BACE1: variants seen among roughly 807,000 people sequenced by gnomAD.
BACE1 encodes APP beta-secretase.
A neutral mutation model predicts 54.0 loss-of-function variants in BACE1; 21 were observed. The ratio of observed to expected loss-of-function variants is 0.39; its 90% CI spans 0.28 to 0.56. The LOEUF (loss-of-function observed/expected upper bound fraction) is 0.56, where lower values mean the gene tolerates loss of function less well. Ranked by LOEUF, BACE1 falls within the 20% of genes least tolerant of loss-of-function variation. The pLI is 0.63. For synonymous variants in BACE1, 232 were observed against 260.9 expected (o/e 0.89, Z 1.07); for missense variants, 511 against 661.2 (o/e 0.77, Z 2.49).
intron 1 of BACE1, among the ~76,000 whole-genome samples, chr11:117,309,993 C>CTGT (rs1220262330): frequency 2.0e-5 from 3 of 152,156 alleles, no homozygotes; most frequent in Non-Finnish European, 1.5e-5. Context: ...ACTGCAACCT[C>CTGT]CACCTCACGG....
At position 117,293,515 on chromosome 11, in the gene BACE1, A is replaced by G. The variant is rs1310422594; in HGVS notation, c.706-327T>C. The G allele has an allele frequency of 3.6e-6, 1 of 278,870 alleles. No homozygotes were observed. Among genetic ancestry groups the G allele is most frequent in the African/African-American group, 2.2e-5 (1 of 45,412 alleles). The allele number at this position is 278,870 out of a possible 1,614,324, so 17.3% of individuals were successfully genotyped here. A position where few individuals can be genotyped will look rare whatever the true frequency, so the allele number is the denominator to read the frequency against. On this transcript the variant is annotated intron_variant, in intron 4 of 8. Transcript: ENST00000313005. This position sits in a 1 kb window ranked among gnomAD's most constrained non-coding sequence, Gnocchi z 4.1. Reference sequence around the variant, plus strand: ...ATTATAAGTTTTATTTTCTCTGCTTATTGGAGAACCATTCACCATTGTTCT... The same window carrying G: ...ATTATAAGTTTTATTTTCTCTGCTTGTTGGAGAACCATTCACCATTGTTCT...
intron 1 of BACE1, among the ~76,000 whole-genome samples, chr11:117,307,601 T>C (rs2034858209): frequency 6.6e-6 from 1 of 152,214 alleles, no homozygotes. Flanking sequence ...TGTGAGCCAC[T>C]GTGCCTGGCC....
In BACE1 at chr11:117,288,175, T is replaced by G. The variant is rs947180697; in HGVS notation, c.*1391A>C. Reference sequence around the variant, plus strand: ...GACCTTCATCAAGGAGCTCTTGTGGTGGAGGACATAAGGAAGCCCTGAGGC... The same window carrying G: ...GACCTTCATCAAGGAGCTCTTGTGGGGGAGGACATAAGGAAGCCCTGAGGC... On this transcript the variant is annotated 3_prime_UTR_variant, in exon 9 of 9. Coordinates refer to ENST00000313005, the MANE Select transcript of BACE1 (RefSeq NM_012104.6). 2.6e-5 allele frequency: 4 copies of G among 152,362 alleles called. No individual in the cohort carries two copies. Among genetic ancestry groups the G allele is most frequent in the African/African-American group, 9.7e-5 (4 of 41,442 alleles). The allele number at this position is 152,362 out of a possible 1,614,324, so 9.4% of individuals were successfully genotyped here.
rs917143990 is a variant in BACE1, at chr11:117,286,404, G to C, written c.*3162C>G. On this transcript the variant is annotated 3_prime_UTR_variant, in exon 9 of 9. Transcript: ENST00000313005. ...CTATCCTTTTATCTTTACTCCTACAGGGAATGGCCTCAGCTCCCTTCTCTT... is the reference window on the plus strand; with the variant it reads ...CTATCCTTTTATCTTTACTCCTACACGGAATGGCCTCAGCTCCCTTCTCTT... 6.6e-6 allele frequency: 1 copy of C among 152,120 alleles called. No homozygotes were observed. The highest frequency in any genetic ancestry group is 1.5e-5 in the Non-Finnish European group (1 of 68,002). 9.4% of individuals were successfully genotyped at this position (152,120 alleles called of 1,614,324 possible).
intron 5 of BACE1, chr11:117,292,016 G>T: frequency 2.5e-6 from 1 of 404,870 alleles, no homozygotes; most frequent in Non-Finnish European, 4.6e-6. Flanking sequence ...TACCTCAAAG[G>T]GTTATTGTAA....
intron 1 of BACE1, among the ~76,000 whole-genome samples, chr11:117,304,315 G>T (rs1003704812): frequency 1.3e-5 from 2 of 152,236 alleles, no homozygotes; most frequent in Admixed American, 6.5e-5. Context: ...CCCAGCTGAC[G>T]TACCAGCTGA....
Position 117,315,426 on chromosome 11 carries a change from C to A in BACE1, c.261+109G>T. 1 of 1,423,462 alleles carries A rather than the reference C, an allele frequency of 7.0e-7. No individual in the cohort carries two copies. The highest frequency in any genetic ancestry group is 9.3e-7 in the Non-Finnish European group (1 of 1,074,138). The allele number at this position is 1,423,462 out of a possible 1,614,324, so 88.2% of individuals were successfully genotyped here. Reference sequence around the variant, plus strand: ...GGGAATGGCTGGGGAGGGGTCCCTCCTGCTGTCCCCACCAGCCCATTTGAG... The same window carrying A: ...GGGAATGGCTGGGGAGGGGTCCCTCATGCTGTCCCCACCAGCCCATTTGAG... On this transcript the variant is annotated intron_variant, in intron 1 of 8. Transcript: ENST00000313005. The surrounding 1 kb of genome is among the most constrained non-coding windows in gnomAD (Gnocchi z 5.5).
At chr11:117,306,813 G>GAA (rs1163269662) in intron 1 of BACE1, among the ~76,000 whole-genome samples, 1 of 150,242 alleles carries the variant, frequency 6.7e-6, no homozygotes, top group African/African-American at 2.4e-5. Context: ...CCTGTCTCAA[G>GAA]AAAAAAAAAG....
At chr11:117,298,577 AG>A (rs1488206784) in intron 1 of BACE1, among the ~76,000 whole-genome samples, 1 of 152,254 alleles carries the variant, frequency 6.6e-6, no homozygotes, top group Non-Finnish European at 1.5e-5. Flanking sequence ...TGTGGGGACC[AG>A]GATGGCACAT....
Position 117,288,941 on chromosome 11 carries a change from C to T in BACE1, c.*625G>A, listed in dbSNP as rs1328673675. On this transcript the variant is annotated 3_prime_UTR_variant, in exon 9 of 9. Transcript: ENST00000313005. Reference sequence around the variant, plus strand: ...GTTTCTGCCTTTCCTAGCTTTGATCCCACTATTCCCTGTCTTTGTACTCCC... The same window carrying T: ...GTTTCTGCCTTTCCTAGCTTTGATCTCACTATTCCCTGTCTTTGTACTCCC... 6.5e-6 allele frequency: 1 copy of T among 152,832 alleles called. No individual in the cohort carries two copies. Among genetic ancestry groups the T allele is most frequent in the African/African-American group, 2.4e-5 (1 of 41,402 alleles). 9.5% of individuals were successfully genotyped at this position (152,832 alleles called of 1,614,324 possible).
At position 117,289,782 on chromosome 11, in the gene BACE1, C is replaced by T. The variant is rs747695263; in HGVS notation, c.1290G>A (p.Ala430=). 8.1e-6 allele frequency: 13 copies of T among 1,614,062 alleles called. No individual in the cohort carries two copies. The highest frequency in any genetic ancestry group is 2.2e-5 in the East Asian group (1 of 44,902). The part of the protein sequence containing the change: ...CHVHDEFRTA[A]VEGPFVTLDM... Reference sequence around the variant, plus strand: ...CCAAGGTGACAAAAGGGCCTTCCACCGCTGCCGTCCTGAACTCATCGTGCA... The same window carrying T: ...CCAAGGTGACAAAAGGGCCTTCCACTGCTGCCGTCCTGAACTCATCGTGCA... Residue 430 remains alanine, a synonymous_variant, in exon 9 of 9, where the codon GCG becomes GCA. Transcript: ENST00000313005.
At position 117,291,754 on chromosome 11, in the gene BACE1, T is replaced by C. The variant is rs2034445023; in HGVS notation, c.900A>G (p.Lys300=). The C allele has an allele frequency of 6.2e-7, 1 of 1,613,578 alleles. No individual in the cohort carries two copies. Among genetic ancestry groups the C allele is most frequent in the African/African-American group, 1.3e-5 (1 of 74,904 alleles). The part of the protein sequence containing the change: ...SGTTNLRLPK[K]VFEAAVKSIK... ...TGGATTTGACTGCAGCTTCAAACAC[T>C]TTCTTGGGCAAACGAAGGTTGGTGG... Residue 300 remains lysine (K), a synonymous_variant, in exon 6 of 9, where the codon AAA becomes AAG. Coordinates refer to ENST00000313005, the MANE Select transcript of BACE1 (RefSeq NM_012104.6).
chr11:117,305,234 A>G (rs2034804916), intron 1 of BACE1, among the ~76,000 whole-genome samples: 1 of 151,990 alleles, frequency 6.6e-6, no homozygotes, highest in Non-Finnish European at 1.5e-5. Context: ...TGCTTTTCCT[A>G]AGTGATTTCC....
chr11:117,297,093 G>T (rs2034618659), intron 1 of BACE1, 132 bp from the exon 2 acceptor site: 2 of 683,652 alleles, frequency 2.9e-6, no homozygotes, highest in African/African-American at 3.7e-5. Context: ...ATGCAGGACT[G>T]GTCCAGGCTG....
At position 117,293,850 on chromosome 11, in the gene BACE1, C is replaced by A; in HGVS notation, c.705+21G>T. 1 of 1,600,356 alleles carries A rather than the reference C, an allele frequency of 6.2e-7. No individual in the cohort carries two copies. On this transcript the variant is annotated intron_variant, in intron 4 of 8. Coordinates refer to ENST00000313005, the MANE Select transcript of BACE1 (RefSeq NM_012104.6). The surrounding 1 kb of genome is among the most constrained non-coding windows in gnomAD (Gnocchi z 4.1). ...TCTCTCCCTCAATGCCAGGACCTCC[C>A]CTCTCTGAGGACCTACTCACCATGC...
intron 1 of BACE1, among the ~76,000 whole-genome samples, chr11:117,308,225 T>A (rs948396836): frequency 1.3e-5 from 2 of 152,322 alleles, no homozygotes; most frequent in East Asian, 3.9e-4. Context: ...TGAGCCCTCA[T>A]AGTTTTCTAC....
Position 117,315,509 on chromosome 11 carries a change from G to A in BACE1, c.261+26C>T, listed in dbSNP as rs370598425. 1,599 of 1,568,726 alleles carry A rather than the reference G, an allele frequency of 1.0e-3. 29 individuals are homozygous for A. The South Asian group carries it at 0.018, about 18-fold the overall frequency. ...TCCCCTCTGCTCATGCAGGCGGAGGGCTAAGGGCTGGCCTGACCACCTTAC... is the reference window on the plus strand; with the variant it reads ...TCCCCTCTGCTCATGCAGGCGGAGGACTAAGGGCTGGCCTGACCACCTTAC... On this transcript the variant is annotated intron_variant, in intron 1 of 8. Transcript: ENST00000313005. The surrounding 1 kb of genome is among the most constrained non-coding windows in gnomAD (Gnocchi z 5.5).
In BACE1 at chr11:117,293,822, C is replaced by T. The variant is rs1474062498; in HGVS notation, c.705+49G>A. ...TTTCAGGAAGGGGAGAGGATGGCAC[C>T]CATCTCTCCCTCAATGCCAGGACCT... On this transcript the variant is annotated intron_variant, in intron 4 of 8. Transcript: ENST00000313005. The surrounding 1 kb of genome is among the most constrained non-coding windows in gnomAD (Gnocchi z 4.1). 1 of 1,563,016 alleles carries T rather than the reference C, an allele frequency of 6.4e-7. No homozygotes were observed. The highest frequency in any genetic ancestry group is 1.4e-5 in the African/African-American group (1 of 72,934).
intron 1 of BACE1, among the ~76,000 whole-genome samples, chr11:117,311,739 C>T (rs537835515): frequency 6.6e-6 from 1 of 152,324 alleles, no homozygotes; most frequent in South Asian, 2.1e-4. Flanking sequence ...CTCCCGGGTT[C>T]AAGAGATTCT....
Sources: gnomAD v4.1 joint callset for allele counts (sites outside exome capture counted in the v4.1 genomes callset) on GRCh38, gnomAD v4.1.1 for gene constraint, Gnocchi (gnomAD v3.1) non-coding constraint, MANE v1.5 for transcripts, NCBI Gene and HGNC (gene_info 2026-07-23, HGNC 2026-07-21) for gene names.